The following KCNIP4 variants were observed in gnomAD, a reference collection of about 807,000 sequenced individuals.
KCNIP4 encodes potassium voltage-gated channel interacting protein 4, also known as Kv channel-interacting protein 4.
Under a neutral mutation model 34.0 loss-of-function variants are expected in KCNIP4, and 12 were observed. The ratio of observed to expected loss-of-function variants is 0.35; its 90% CI spans 0.23 to 0.57. The LOEUF is 0.57. KCNIP4 is among the 20% of genes least tolerant of loss of function. The probability of loss-of-function intolerance (pLI) is 0.83; values close to 1 mark genes in which losing one functional copy is unlikely to be tolerated. For missense variants in KCNIP4, 238 were observed against 311.7 expected (o/e 0.76, Z 1.78); for synonymous variants, 124 against 102.2 (o/e 1.21, Z -1.29).
intron 1 of KCNIP4, among the ~76,000 whole-genome samples, chr4:21,415,162 TA>T (rs1724841519): frequency 6.6e-6 from 1 of 152,110 alleles, no homozygotes; most frequent in Admixed American, 6.6e-5. Context: ...GAAGGAGTCT[TA>T]GGACATTATA....
intron 1 of KCNIP4, among the ~76,000 whole-genome samples, chr4:21,679,231 A>T (rs1750153172): frequency 6.6e-6 from 1 of 152,172 alleles, no homozygotes; most frequent in Admixed American, 6.6e-5. Flanking sequence ...CAGTCTTCCC[A>T]AACCGACTTA....
chr4:21,786,086 C>A (rs988908350), intron 1 of KCNIP4, among the ~76,000 whole-genome samples: 2 of 152,144 alleles, frequency 1.3e-5, no homozygotes, highest in Non-Finnish European at 2.9e-5. Context: ...GTAGCTGGGA[C>A]TACAGGCGTG....
At chr4:21,047,247 T>TATG (rs1742511910) in intron 1 of KCNIP4, among the ~76,000 whole-genome samples, 1 of 152,230 alleles carries the variant, frequency 6.6e-6, no homozygotes, top group African/African-American at 2.4e-5. Context: ...TTTTTGGTCT[T>TATG]ATGTTTTTAA....
intron 1 of KCNIP4, among the ~76,000 whole-genome samples, chr4:21,152,217 C>CA (rs1752809743): frequency 6.6e-6 from 1 of 152,140 alleles, no homozygotes; most frequent in South Asian, 2.1e-4. Context: ...AGCACCACTG[C>CA]ACTCCAGCCT....
intron 1 of KCNIP4, among the ~76,000 whole-genome samples, chr4:21,014,274 T>C (rs553587832): frequency 6.6e-6 from 1 of 152,162 alleles, no homozygotes; most frequent in South Asian, 2.1e-4. Flanking sequence ...ACTAAAAACT[T>C]AGGAGGTGTC....
chr4:20,741,418 C>G (rs1194080116), intron 5 of KCNIP4, among the ~76,000 whole-genome samples: 1 of 152,204 alleles, frequency 6.6e-6, no homozygotes, highest in Non-Finnish European at 1.5e-5. Flanking sequence ...TTGAAACTCA[C>G]TCAAAACTGC....
chr4:20,787,050 T>C (rs1489721652), intron 3 of KCNIP4, among the ~76,000 whole-genome samples: 1 of 152,170 alleles, frequency 6.6e-6, no homozygotes, highest in East Asian at 1.9e-4. Flanking sequence ...AAATACTGCT[T>C]AGAAACTCAA....
chr4:20,731,616 C>A, intron 8 of KCNIP4: 1 of 985,128 alleles, frequency 1.0e-6, no homozygotes, highest in East Asian at 1.1e-4. Context: ...TGTTGTGATG[C>A]CATACTTGGC....
chr4:21,819,565 T>C (rs781463934), intron 1 of KCNIP4, among the ~76,000 whole-genome samples: 32 of 152,190 alleles, frequency 2.1e-4, no homozygotes, highest in Non-Finnish European at 4.3e-4. Context: ...CAGCATCTTA[T>C]GTTGCAGTGG....
rs757816170 is a variant in KCNIP4 at position 21,181,485 on chromosome 4, T to A, written c.62-298776A>T. Among the ~76,000 whole-genome samples, 14 of 152,232 alleles carry A rather than the reference T, an allele frequency of 9.2e-5. 1 individual carries two copies. Among genetic ancestry groups the A allele is most frequent in the Admixed American group, 2.6e-4 (4 of 15,272 alleles). On this transcript the variant is annotated intron_variant, in intron 1 of 8. Transcript: ENST00000382152. Reference sequence around the variant, plus strand: ...ACATGGATTGCACTGACTTTCAGGATCTTTGGATTCTCATCCATACGTTCA... The same window carrying A: ...ACATGGATTGCACTGACTTTCAGGAACTTTGGATTCTCATCCATACGTTCA...
rs1206432222 is a variant in KCNIP4, at chr4:21,553,880, C to T, written c.61+394691G>A. Among the ~76,000 whole-genome samples, 10 of 151,982 alleles carry T rather than the reference C, an allele frequency of 6.6e-5. No individual in the cohort carries two copies. The East Asian group carries it at 1.9e-3, about 29-fold the overall frequency. On this transcript the variant is annotated intron_variant, in intron 1 of 8. Transcript: ENST00000382152. Reference sequence around the variant, plus strand: ...CCCAAAATGATTTTGTCCTGAAATCCTTACCTTAATTATACCTAAAAAGTT... The same window carrying T: ...CCCAAAATGATTTTGTCCTGAAATCTTTACCTTAATTATACCTAAAAAGTT...
Position 21,125,036 on chromosome 4 carries a change from A to T in KCNIP4, c.62-242327T>A, listed in dbSNP as rs187679957. ...ACAGTGGCTTCATAAGTCCTGAATGATGCCTCTGCCCCTACCTTTTGCTCC... is the reference window on the plus strand; with the variant it reads ...ACAGTGGCTTCATAAGTCCTGAATGTTGCCTCTGCCCCTACCTTTTGCTCC... On this transcript the variant is annotated intron_variant, in intron 1 of 8. Transcript: ENST00000382152. Among the ~76,000 whole-genome samples, 25 of 151,266 alleles carry T rather than the reference A, an allele frequency of 1.7e-4. No homozygotes were observed. In the Middle Eastern group the frequency reaches 0.01, roughly 62 times the overall value.
chr4:21,234,654 T>C (rs1759213875), intron 1 of KCNIP4, among the ~76,000 whole-genome samples: 2 of 146,680 alleles, frequency 1.4e-5, no homozygotes, highest in East Asian at 2.0e-4. Context: ...TATATATATG[T>C]TATATATATA....
intron 1 of KCNIP4, among the ~76,000 whole-genome samples, chr4:21,827,308 C>T (rs1722732207): frequency 6.6e-6 from 1 of 151,880 alleles, no homozygotes; most frequent in South Asian, 2.1e-4. Context: ...TAAAATGCAT[C>T]CTTAGTAAAA....
intron 2 of KCNIP4, 54 bp downstream of exon 2, chr4:20,882,554 A>G: frequency 7.7e-7 from 1 of 1,307,100 alleles, no homozygotes; most frequent in Admixed American, 1.8e-5. Flanking sequence ...TGCAGGCCTA[A>G]AGAAACGAAA....
chr4:21,058,413 T>C (rs1165758664), intron 1 of KCNIP4, among the ~76,000 whole-genome samples: 1 of 149,580 alleles, frequency 6.7e-6, no homozygotes, highest in African/African-American at 2.5e-5. Flanking sequence ...ACAGAGTCAC[T>C]GAGAGCTCAT....
intron 1 of KCNIP4, among the ~76,000 whole-genome samples, chr4:21,690,134 T>TAC (rs1751156451): frequency 7.8e-6 from 1 of 128,908 alleles, no homozygotes; most frequent in Non-Finnish European, 1.5e-5. Context: ...TATTTTATAT[T>TAC]ATATATATAT....
chr4:21,199,361 T>A (rs1756297281), intron 1 of KCNIP4, among the ~76,000 whole-genome samples: 1 of 152,238 alleles, frequency 6.6e-6, no homozygotes, highest in African/African-American at 2.4e-5. Flanking sequence ...GTTGGCTGCA[T>A]AAATGTCTTG....
intron 1 of KCNIP4, among the ~76,000 whole-genome samples, chr4:21,295,143 G>C (rs1763763505): frequency 6.6e-6 from 1 of 152,094 alleles, no homozygotes; most frequent in African/African-American, 2.4e-5. Context: ...ATGAAGACTA[G>C]ACCTGCTCAC....
Sources: allele counts gnomAD v4.1 joint callset (sites outside exome capture counted in the v4.1 genomes callset), GRCh38; gene constraint gnomAD v4.1.1; transcripts MANE v1.5; gene names NCBI Gene and HGNC (gene_info 2026-07-23, HGNC 2026-07-21).